LMNB1: variants seen among roughly 807,000 people sequenced by gnomAD.
LMNB1 encodes the protein lamin B1.
LMNB1 carries 23 observed loss-of-function variants against 67.1 expected under a neutral mutation model. The observed-to-expected ratio is 0.34, with a 90% CI of 0.25 to 0.49. The LOEUF (loss-of-function observed/expected upper bound fraction) is 0.49. LMNB1 is among the 20% of genes least tolerant of loss of function. The pLI is 0.99. For synonymous variants in LMNB1, 281 were observed against 282.9 expected, an observed-to-expected ratio of 0.99 and a Z score of 0.07; for missense variants, 634 against 746.5, an observed-to-expected ratio of 0.85 and a Z score of 1.76.
chr5:126,835,838 G>C (rs1376262858), intron 10 of LMNB1, among the ~76,000 whole-genome samples: 1 of 152,198 alleles, frequency 6.6e-6, no homozygotes, highest in Non-Finnish European at 1.5e-5. Flanking sequence ...TGTAATCCCA[G>C]CACTTTGGGA....
At chr5:126,814,316 C>G (rs925833292) in intron 5 of LMNB1, among the ~76,000 whole-genome samples, 1 of 152,098 alleles carries the variant, frequency 6.6e-6, no homozygotes, top group Non-Finnish European at 1.5e-5. Flanking sequence ...ACTGTCTATC[C>G]CTCAATTTTA....
chr5:126,817,069 CGTTTGTTTG>C (rs915726256), intron 5 of LMNB1, among the ~76,000 whole-genome samples: 17 of 74,570 alleles, frequency 2.3e-4, no homozygotes, highest in East Asian at 2.1e-3. Context: ...ATCCATTCCC[CGTTTGTTTG>C]GTTTGTTTGT....
chr5:126,825,922 A>G (rs1751984790), intron 8 of LMNB1, 66 bp from the exon 9 acceptor site: 1 of 1,607,202 alleles, frequency 6.2e-7, no homozygotes, highest in Non-Finnish European at 8.5e-7. Flanking sequence ...GTCTCATCGC[A>G]TTGCTGTCGT....
chr5:126,796,171 C>T (rs894613689), intron 1 of LMNB1, among the ~76,000 whole-genome samples: 30 of 151,904 alleles, frequency 2.0e-4, no homozygotes, highest in Non-Finnish European at 3.7e-4. Flanking sequence ...TCAGGTGATC[C>T]GCCAGCCTTA....
chr5:126,799,643 T>A (rs369242905), intron 1 of LMNB1, among the ~76,000 whole-genome samples: 1 of 152,318 alleles, frequency 6.6e-6, no homozygotes, highest in East Asian at 1.9e-4. Context: ...TGGGACCCTG[T>A]CTTATTTATT....
At position 126,818,952 on chromosome 5, in the gene LMNB1, T is replaced by C. The variant is rs760702935; in HGVS notation, c.970T>C (p.Leu324=). Residue 324 remains leucine (L), a synonymous_variant, in exon 6 of 11, where the codon TTA becomes CTA. Coordinates refer to ENST00000261366, the MANE Select transcript of LMNB1 (RefSeq NM_005573.4). ...SRACLERIQE[L]EDLLAKEKDN... is the part of the protein sequence containing the mutation. ...AGCATGTTTGGAAAGGATTCAAGAA[T>C]TAGAGGACTTGCTTGCTAAAGAAAA... 1.2e-6 allele frequency: 2 copies of C among 1,614,062 alleles called. No individual in the cohort carries two copies. Among genetic ancestry groups the C allele is most frequent in the Admixed American group, 3.3e-5 (2 of 60,032 alleles).
intron 7 of LMNB1, among the ~76,000 whole-genome samples, chr5:126,821,580 T>TA (rs1751869284): frequency 6.6e-6 from 1 of 152,192 alleles, no homozygotes; most frequent in Non-Finnish European, 1.5e-5. Context: ...TCCCTGCAAA[T>TA]AAATGAATGA....
chr5:126,819,459 A>ATTATTTATTTATTTAT (rs60317211), intron 6 of LMNB1, among the ~76,000 whole-genome samples: 3 of 142,806 alleles, frequency 2.1e-5, no homozygotes, highest in Non-Finnish European at 3.0e-5. Flanking sequence ...GACTTTACAT[A>ATTATTTATTTATTTAT]TTATTTATTT....
chr5:126,803,696 C>T (rs750753042), intron 1 of LMNB1, among the ~76,000 whole-genome samples: 4 of 152,112 alleles, frequency 2.6e-5, no homozygotes, highest in Admixed American at 2.0e-4. Flanking sequence ...ACAGGCATTG[C>T]GCCACCATGC....
intron 9 of LMNB1, among the ~76,000 whole-genome samples, chr5:126,832,317 CT>C (rs1299266254): frequency 3.3e-5 from 5 of 149,554 alleles, no homozygotes; most frequent in Admixed American, 1.3e-4. Context: ...AATGCTGTCT[CT>C]TTTTTTTTTC....
intron 1 of LMNB1, among the ~76,000 whole-genome samples, chr5:126,792,233 C>G (rs1750980527): frequency 6.6e-6 from 1 of 151,526 alleles, no homozygotes; most frequent in South Asian, 2.1e-4. Flanking sequence ...ACCTCCGCCT[C>G]CTGTGTTTAA....
intron 1 of LMNB1, among the ~76,000 whole-genome samples, chr5:126,791,782 A>G (rs113232588): frequency 0.027 from 3,954 of 143,832 alleles, 67 homozygotes; most frequent in Non-Finnish European, 0.028. Context: ...TATTCCCTTG[A>G]TGTCTCTTTT....
At position 126,804,647 on chromosome 5, in the gene LMNB1, C is replaced by A; in HGVS notation, c.360-129C>A. On this transcript the variant is annotated intron_variant, in intron 1 of 10. Coordinates refer to ENST00000261366, the MANE Select transcript of LMNB1 (RefSeq NM_005573.4). ...TAGATCCAGTGCTTGTGAATTGCTT[C>A]TCTAATTTTGATAGGTGATGGGAGC... 3 of 733,750 alleles carry A rather than the reference C, an allele frequency of 4.1e-6. No individual in the cohort carries two copies. In the Admixed American group the frequency reaches 9.9e-5, roughly 24 times the overall value. 45.5% of individuals were successfully genotyped at this position (733,750 alleles called of 1,614,324 possible).
intron 1 of LMNB1, among the ~76,000 whole-genome samples, chr5:126,791,522 A>C (rs1750959399): frequency 6.6e-6 from 1 of 151,742 alleles, no homozygotes; most frequent in Non-Finnish European, 1.5e-5. Context: ...CAGTGGCATG[A>C]TCTTGGCTCA....
intron 9 of LMNB1, among the ~76,000 whole-genome samples, 160 bp from the exon 10 acceptor site, chr5:126,832,534 G>A (rs904538002): frequency 9.2e-5 from 14 of 151,966 alleles, no homozygotes; most frequent in Middle Eastern, 3.2e-3. Context: ...TCCTGACCTC[G>A]GGTGATCTGC....
intron 9 of LMNB1, among the ~76,000 whole-genome samples, chr5:126,831,447 T>C (rs1752127761): frequency 6.6e-6 from 1 of 152,264 alleles, no homozygotes; most frequent in Non-Finnish European, 1.5e-5. Context: ...AAATAGTTGC[T>C]TTCTGTCATA....
chr5:126,785,739 A>AGGTTGGGCCCAACCCTTAGGTTGGGC (rs1561734676), intron 1 of LMNB1, among the ~76,000 whole-genome samples: 21 of 125,900 alleles, frequency 1.7e-4, no homozygotes, highest in Non-Finnish European at 2.9e-4. Flanking sequence ...TTAGGTTGGG[A>AGGTTGGGCCCAACCCTTAGGTTGGGC]CCAGCGGCTC....
chr5:126,830,021 T>TA (rs146811432), intron 9 of LMNB1, among the ~76,000 whole-genome samples: 11,637 of 152,314 alleles, frequency 0.076, 485 homozygotes, highest in African/African-American at 0.093. Flanking sequence ...ATGGAAACTT[T>TA]TGTATATGCA....
At position 126,790,748 on chromosome 5, in the gene LMNB1, AGGT is replaced by A. The variant is rs1750932434; in HGVS notation, c.359+12882_359+12884del. On this transcript the variant is annotated intron_variant, in intron 1 of 10. Transcript: ENST00000261366. ...ATTGATAGTTTGGGTATAGAATTCT[AGGT>A]TGTAAATGCTATTTTCTTAGACTTT... is the stretch of plus-strand genomic sequence containing the variant. 2.0e-5 allele frequency among the ~76,000 whole-genome samples: 3 copies of A among 152,130 alleles called. No individual in the cohort carries two copies. The East Asian group carries it at 5.8e-4, about 29-fold the overall frequency.
Sources: gnomAD v4.1 joint callset for allele counts (sites outside exome capture counted in the v4.1 genomes callset) on GRCh38, gnomAD v4.1.1 for gene constraint, MANE v1.5 for transcripts, NCBI Gene and HGNC (gene_info 2026-07-23, HGNC 2026-07-21) for gene names.